Variants in ARHGAP42 observed in about 807,000 individuals in gnomAD.
ARHGAP42 encodes the protein rho GTPase-activating protein 42.
In ARHGAP42, 63 loss-of-function variants were observed where a neutral mutation model predicts 125.0. That is an observed-to-expected ratio of 0.50 (90% CI 0.41 to 0.62). ARHGAP42 has a LOEUF of 0.62. ARHGAP42 is among the 20% of genes least tolerant of loss of function. The probability of loss-of-function intolerance (pLI) is 0.00; values close to 1 mark genes in which losing one functional copy is unlikely to be tolerated. For missense variants in ARHGAP42, 766 were observed against 1,024.2 expected, an observed-to-expected ratio of 0.75 and a Z score of 3.44; for synonymous variants, 339 against 351.0, an observed-to-expected ratio of 0.97 and a Z score of 0.38.
intron 4 of ARHGAP42, among the ~76,000 whole-genome samples, chr11:100,910,324 G>A (rs937238826): frequency 6.6e-6 from 1 of 151,950 alleles, no homozygotes; most frequent in Admixed American, 6.6e-5. Flanking sequence ...TATCTTCTAG[G>A]ACATCCCCTT....
At chr11:100,920,337 T>G (rs975691548) in intron 5 of ARHGAP42, among the ~76,000 whole-genome samples, 2 of 152,192 alleles carry the variant, frequency 1.3e-5, no homozygotes, top group African/African-American at 4.8e-5. Context: ...ACTCCCTGCA[T>G]AGTTGAAAGT....
In ARHGAP42 at chr11:100,789,848, T is replaced by G. The variant is rs567756842; in HGVS notation, c.251-5257T>G. Among the ~76,000 whole-genome samples, 81 of 152,314 alleles carry G rather than the reference T, an allele frequency of 5.3e-4. 1 individual carries two copies. In the South Asian group the frequency reaches 0.015, roughly 28 times the overall value. ...CTGAATTTATGATCTGTACTTTTTT[T>G]GGGGTGTGTGTTTTACGTTATTTAA... is the stretch of plus-strand genomic sequence containing the variant. On this transcript the variant is annotated intron_variant, in intron 2 of 23. Transcript: ENST00000298815.
At chr11:100,866,386 C>G (rs929385982) in intron 4 of ARHGAP42, among the ~76,000 whole-genome samples, 7 of 152,118 alleles carry the variant, frequency 4.6e-5, no homozygotes, top group Non-Finnish European at 8.8e-5. Flanking sequence ...AATGTTGAAT[C>G]CTTTCCAGAA....
chr11:100,876,518 T>C (rs1463021075), intron 4 of ARHGAP42, among the ~76,000 whole-genome samples: 1 of 152,242 alleles, frequency 6.6e-6, no homozygotes, highest in East Asian at 1.9e-4. Flanking sequence ...AGTAAGAATG[T>C]GGTGAATCTC....
chr11:100,830,784 A>T (rs1161089034), intron 3 of ARHGAP42, among the ~76,000 whole-genome samples: 1 of 152,088 alleles, frequency 6.6e-6, no homozygotes, highest in Non-Finnish European at 1.5e-5. Context: ...TTGTTGGGAG[A>T]TGGAGTACAG....
At chr11:100,893,839 G>T (rs1866280182) in intron 4 of ARHGAP42, among the ~76,000 whole-genome samples, 1 of 152,058 alleles carries the variant, frequency 6.6e-6, no homozygotes. Context: ...AGAATTGATA[G>T]AAATATTTAT....
chr11:100,905,599 AT>A (rs140450707), intron 4 of ARHGAP42, among the ~76,000 whole-genome samples: 6,891 of 152,136 alleles, frequency 0.045, 228 homozygotes, highest in East Asian at 0.1. Context: ...TTTTTGCCTA[AT>A]TTTTTGTTTC....
intron 3 of ARHGAP42, among the ~76,000 whole-genome samples, chr11:100,815,575 T>C (rs1864249191): frequency 2.0e-5 from 3 of 152,202 alleles, no homozygotes. Context: ...GCAAAGAATT[T>C]TGAGTTAATG....
chr11:100,751,674 G>A (rs2120353321), intron 1 of ARHGAP42, among the ~76,000 whole-genome samples: 1 of 151,354 alleles, frequency 6.6e-6, no homozygotes. Context: ...CAGGCAAGGG[G>A]GAGCCACCTC....
intron 4 of ARHGAP42, among the ~76,000 whole-genome samples, chr11:100,866,982 A>G (rs570862459): frequency 1.3e-5 from 2 of 152,306 alleles, no homozygotes; most frequent in South Asian, 4.1e-4. Context: ...TAAATTGGCA[A>G]TGAGTAGTAC....
chr11:100,985,272 A>T (rs980717521), intron 22 of ARHGAP42, among the ~76,000 whole-genome samples: 3 of 152,076 alleles, frequency 2.0e-5, no homozygotes, highest in African/African-American at 7.2e-5. Flanking sequence ...TTCCTTATCG[A>T]TCTCTTTATA....
At chr11:100,885,637 A>T (rs1232611430) in intron 4 of ARHGAP42, among the ~76,000 whole-genome samples, 2 of 152,184 alleles carry the variant, frequency 1.3e-5, no homozygotes, top group East Asian at 1.9e-4. Flanking sequence ...TTTATTTATC[A>T]TGTTTGTCAT....
chr11:100,961,750 G>C lies in ARHGAP42; in HGVS notation c.1367G>C (p.Gly456Ala). Residue 456 changes from glycine to alanine, a missense_variant, in exon 15 of 24, where the codon GGG becomes GCG. Around this residue, in one of 3 missense-constraint regions of ARHGAP42, gnomAD observed 455 missense variants for 636.5 expected, o/e 0.71. Coordinates refer to ENST00000298815, the MANE Select transcript of ARHGAP42 (RefSeq NM_152432.4). Reference protein sequence around the residue: ...ELWDNKTITSGLKNYLRCLAE... With the variant: ...ELWDNKTITSALKNYLRCLAE... ...TGGGACAATAAGACGATAACAAGTG[G>C]GCTGAAAAACTACCTCAGGTGAGGA... 1 of 1,551,530 alleles carries C rather than the reference G, an allele frequency of 6.4e-7. No homozygotes were observed. Among genetic ancestry groups the C allele is most frequent in the Non-Finnish European group, 8.7e-7 (1 of 1,146,764 alleles).
In ARHGAP42 at chr11:100,694,402, A is replaced by G. The variant is rs1402090702; in HGVS notation, c.154+6570A>G. Among the ~76,000 whole-genome samples the G allele has an allele frequency of 2.0e-5, 3 of 152,178 alleles. No homozygotes were observed. The East Asian group carries it at 5.8e-4, about 29-fold the overall frequency. The stretch of plus-strand genomic sequence containing the variant: ...GAAATGTTTATTTTAGATAGATAAG[A>G]AAGGTTGAAGGAAAGGGGGGTTATT... On this transcript the variant is annotated intron_variant, in intron 1 of 23. Transcript: ENST00000298815.
At chr11:100,775,483 T>A (rs1863097426) in intron 2 of ARHGAP42, among the ~76,000 whole-genome samples, 1 of 152,202 alleles carries the variant, frequency 6.6e-6, no homozygotes, top group African/African-American at 2.4e-5. Context: ...CACTCTTGCA[T>A]GGGAATTGAT....
intron 4 of ARHGAP42, among the ~76,000 whole-genome samples, chr11:100,875,107 CTGTGTGTGTGTGTGTGTGTGTG>C (rs67247250): frequency 1.2e-5 from 1 of 82,352 alleles, no homozygotes; most frequent in South Asian, 5.2e-4. Flanking sequence ...CTCTCTCTCT[CTGTGTGTGTGTGTGTGTGTGTG>C]TGTGTGTGTG....
intron 17 of ARHGAP42, among the ~76,000 whole-genome samples, chr11:100,971,705 C>T (rs1201938836): frequency 6.6e-6 from 1 of 152,144 alleles, no homozygotes; most frequent in African/African-American, 2.4e-5. Flanking sequence ...GGAACCATGA[C>T]ATTTTAGCAA....
intron 19 of ARHGAP42, 96 bp downstream of exon 19, chr11:100,974,699 C>T (rs1858343857): frequency 5.6e-6 from 7 of 1,248,302 alleles, no homozygotes; most frequent in Non-Finnish European, 7.4e-6. Flanking sequence ...AAGATGTTCT[C>T]ACTGATGCTC....
chr11:100,730,669 A>C (rs1471711338), intron 1 of ARHGAP42, among the ~76,000 whole-genome samples: 4 of 152,256 alleles, frequency 2.6e-5, no homozygotes, highest in Non-Finnish European at 1.5e-5. Flanking sequence ...TGGGTTGCTT[A>C]AATAGTAAGT....
Sources: gnomAD v4.1 joint callset for allele counts (sites outside exome capture counted in the v4.1 genomes callset) on GRCh38, gnomAD v4.1.1 for gene constraint, gnomAD v4.1.1 regional missense constraint, MANE v1.5 for transcripts, NCBI Gene and HGNC (gene_info 2026-07-23, HGNC 2026-07-21) for gene names.